The following PLEKHG6 variants were observed in gnomAD, a reference collection of about 807,000 sequenced individuals.
PLEKHG6 encodes the protein pleckstrin homology and RhoGEF domain containing G6.
In PLEKHG6, 91 loss-of-function variants were observed where a neutral mutation model predicts 97.5. That is an observed-to-expected ratio of 0.93 (90% CI 0.79 to 1.11). The LOEUF (loss-of-function observed/expected upper bound fraction) is 1.11, where lower values mean the gene tolerates loss of function less well. PLEKHG6 is among the 50% of genes most tolerant of loss of function. The pLI, the probability that PLEKHG6 is intolerant of heterozygous loss-of-function variation, is 0.00. For missense variants in PLEKHG6, 1,044 were observed against 1,031.0 expected, an observed-to-expected ratio of 1.01 and a Z score of -0.17; for synonymous variants, 466 against 425.5, an observed-to-expected ratio of 1.10 and a Z score of -1.17.
chr12:6,324,090 G>A (rs1304658523), intron 13 of PLEKHG6, among the ~76,000 whole-genome samples: 1 of 152,086 alleles, frequency 6.6e-6, no homozygotes, highest in African/African-American at 2.4e-5. Flanking sequence ...TTGTAGGGGG[G>A]TCACATTCTG....
chr12:6,323,023 C>A (rs1463422613), intron 13 of PLEKHG6, among the ~76,000 whole-genome samples: 2 of 152,244 alleles, frequency 1.3e-5, no homozygotes, highest in African/African-American at 2.4e-5. Context: ...CAGTGAATGG[C>A]AGGCTGCCTT....
In PLEKHG6 at chr12:6,327,810, CG is replaced by C. The variant is rs1394509062; in HGVS notation, c.2230del (p.Glu744ArgfsTer22). The C allele has an allele frequency of 5.3e-6, 8 of 1,513,202 alleles. No individual in the cohort carries two copies. Among genetic ancestry groups the C allele is most frequent in the Non-Finnish European group, 6.2e-6 (7 of 1,131,644 alleles). The allele number at this position is 1,513,202 out of a possible 1,614,324, so 93.7% of individuals were successfully genotyped here. On this transcript the variant is annotated frameshift_variant, in exon 15 of 16. Coordinates refer to ENST00000684764, the MANE Select transcript of PLEKHG6 (RefSeq NM_001384598.1). LOFTEE classifies it high-confidence loss of function. The stretch of plus-strand genomic sequence containing the variant: ...GGCTGAGGACATGCTCAGAGAGATC[CG>C]GGAGGAGCTGGCCAGCCAAAGGATT... ...MRAEDMLREI[R>X]EELASQRIEG...
At position 6,327,810 on chromosome 12, in the gene PLEKHG6, C is replaced by A. The variant is rs772226256; in HGVS notation, c.2227C>A (p.Arg743=). The A allele has an allele frequency of 6.6e-7, 1 of 1,513,202 alleles. No individual in the cohort carries two copies. The highest frequency in any genetic ancestry group is 8.8e-7 in the Non-Finnish European group (1 of 1,131,644). The allele number at this position is 1,513,202 out of a possible 1,614,324, so 93.7% of individuals were successfully genotyped here. A position where few individuals can be genotyped will look rare whatever the true frequency, so the allele number is the denominator to read the frequency against. The change falls in exon 15 of 16, where the codon CGG becomes AGG. Residue 743 remains arginine, a synonymous_variant. Coordinates refer to ENST00000684764, the MANE Select transcript of PLEKHG6 (RefSeq NM_001384598.1). ...MRAEDMLREI[R]EELASQRIEG... Reference sequence around the variant, plus strand: ...GGCTGAGGACATGCTCAGAGAGATCCGGGAGGAGCTGGCCAGCCAAAGGAT... The same window carrying A: ...GGCTGAGGACATGCTCAGAGAGATCAGGGAGGAGCTGGCCAGCCAAAGGAT...
chr12:6,324,370 G>A (rs974999163), intron 13 of PLEKHG6, among the ~76,000 whole-genome samples: 5 of 151,020 alleles, frequency 3.3e-5, no homozygotes, highest in South Asian at 2.1e-4. Context: ...GGCATTGAAC[G>A]TCCCTTACAG....
In PLEKHG6 at chr12:6,312,241, T is replaced by C. The variant is rs1947295571; in HGVS notation, c.15T>C (p.Gly5=). Residue 5 remains glycine, a synonymous_variant, in exon 2 of 16, where the codon GGT becomes GGC. Transcript: ENST00000684764. The part of the protein sequence containing the change: MKAF[G]PPHEGPLQGL... ...GGAGAGAAGGGATGAAGGCCTTTGG[T>C]CCTCCACATGAGGGCCCCCTCCAAG... 2.6e-6 allele frequency: 4 copies of C among 1,527,858 alleles called. No individual in the cohort carries two copies. The highest frequency in any genetic ancestry group is 3.5e-6 in the Non-Finnish European group (4 of 1,144,570). 94.6% of individuals were successfully genotyped at this position (1,527,858 alleles called of 1,614,324 possible). A position where few individuals can be genotyped will look rare whatever the true frequency, so the allele number is the denominator to read the frequency against.
chr12:6,317,227 G>A lies in PLEKHG6; in HGVS notation c.757-76G>A, dbSNP rs562473472. 80 of 932,454 alleles carry A rather than the reference G, an allele frequency of 8.6e-5. 1 individual carries two copies. In the South Asian group the frequency reaches 9.3e-4, roughly 11 times the overall value. The allele number at this position is 932,454 out of a possible 1,614,324, so 57.8% of individuals were successfully genotyped here. A position where few individuals can be genotyped will look rare whatever the true frequency, so the allele number is the denominator to read the frequency against. On this transcript the variant is annotated intron_variant, in intron 7 of 15. Coordinates refer to ENST00000684764, the MANE Select transcript of PLEKHG6 (RefSeq NM_001384598.1). ...TGCGAGGCTCTCTTCACCTGCTCCT[G>A]GGTCCTGCAGCTAGAGCCTGTATTC...
rs1414604171 is a variant in PLEKHG6 at position 6,316,209 on chromosome 12, G to T, written c.607-46G>T. The T allele has an allele frequency of 5.3e-6, 8 of 1,510,600 alleles. No homozygotes were observed. The highest frequency in any genetic ancestry group is 7.1e-6 in the Non-Finnish European group (8 of 1,123,298). 93.6% of individuals were successfully genotyped at this position (1,510,600 alleles called of 1,614,324 possible). A position where few individuals can be genotyped will look rare whatever the true frequency, so the allele number is the denominator to read the frequency against. On this transcript the variant is annotated intron_variant, in intron 6 of 15. Transcript: ENST00000684764. The surrounding 1 kb of genome is among the most constrained non-coding windows in gnomAD (Gnocchi z 4.1). ...CCTTTCCTCAGCCAGTGCCACCCCT[G>T]GGGACCTTCCAAAAGTGTGCTGCTC...
At chr12:6,318,625 G>A (rs936260896) in intron 11 of PLEKHG6, 120 bp from the exon 12 acceptor site, 9 of 1,245,846 alleles carry the variant, frequency 7.2e-6, no homozygotes, top group South Asian at 1.4e-5. Flanking sequence ...GGCCACTCCC[G>A]CATTTGGGCT....
intron 13 of PLEKHG6, 89 bp from the exon 14 acceptor site, chr12:6,326,339 A>G: frequency 1.3e-6 from 1 of 782,484 alleles, no homozygotes; most frequent in Non-Finnish European, 2.1e-6. Flanking sequence ...AAAATAAGGT[A>G]ATATATGTAA....
In PLEKHG6 at chr12:6,316,650, A is replaced by G. The variant is rs1262013336; in HGVS notation, c.756+246A>G. ...TGCAGCTGTCTCAGAGAAGGGTCAC[A>G]CCTTGGCTCCCATCAACTACAAAAG... On this transcript the variant is annotated intron_variant, in intron 7 of 15. Transcript: ENST00000684764. The surrounding 1 kb of genome is among the most constrained non-coding windows in gnomAD (Gnocchi z 4.1). Among the ~76,000 whole-genome samples the G allele has an allele frequency of 6.6e-6, 1 of 152,126 alleles. No individual in the cohort carries two copies. Among genetic ancestry groups the G allele is most frequent in the Non-Finnish European group, 1.5e-5 (1 of 68,014 alleles).
intron 13 of PLEKHG6, chr12:6,319,470 A>G: frequency 1.5e-6 from 2 of 1,307,656 alleles, no homozygotes; most frequent in Non-Finnish European, 2.0e-6. Context: ...AAAAGAATGT[A>G]GGAAGGAAGG....
chr12:6,315,729 T>TG lies in PLEKHG6; in HGVS notation c.555+85dup. 1.6e-6 allele frequency: 2 copies of TG among 1,227,694 alleles called. No homozygotes were observed. Among genetic ancestry groups the TG allele is most frequent in the Non-Finnish European group, 2.3e-6 (2 of 868,560 alleles). The allele number at this position is 1,227,694 out of a possible 1,614,324, so 76.1% of individuals were successfully genotyped here. ...CCTCCCAGACTGGAAGGCAGGTCAC[T>TG]GGGGGAGGGAGGGGCAGGATTTCAG... On this transcript the variant is annotated intron_variant, in intron 5 of 15. Coordinates refer to ENST00000684764, the MANE Select transcript of PLEKHG6 (RefSeq NM_001384598.1). The surrounding 1 kb of genome is among the most constrained non-coding windows in gnomAD (Gnocchi z 4.5).
intron 2 of PLEKHG6, chr12:6,313,003 G>A (rs993549879): frequency 2.7e-6 from 4 of 1,462,198 alleles, no homozygotes; most frequent in Non-Finnish European, 3.6e-6. Context: ...TTCCTAGGCT[G>A]TGGGTGAGAA....
At position 6,317,363 on chromosome 12, in the gene PLEKHG6, T is replaced by TA. The variant is rs772024581; in HGVS notation, c.818dup (p.Tyr273Ter). Reference protein sequence around the residue: ...YCLRVKQTMAYAREQQETNPL... With the variant: ...YCLRVKQTMA ...CCTCCGAGTGAAGCAGACCATGGCT[T>TA]ACGCCCGAGAACAGCAAGAAACTAA... is the stretch of plus-strand genomic sequence containing the variant. The change falls in exon 8 of 16, where the codon TAC becomes TAAC. Residue 273 changes from tyrosine (Y) to a stop codon, truncating the protein, a stop_gained and frameshift_variant. Transcript: ENST00000684764. LOFTEE classifies it high-confidence loss of function. The TA allele has an allele frequency of 1.9e-6, 3 of 1,614,050 alleles. No homozygotes were observed. The highest frequency in any genetic ancestry group is 2.5e-6 in the Non-Finnish European group (3 of 1,179,968).
intron 3 of PLEKHG6, 83 bp from the exon 4 acceptor site, chr12:6,314,922 G>C: frequency 7.8e-7 from 1 of 1,279,748 alleles, no homozygotes; most frequent in Non-Finnish European, 1.1e-6. Context: ...TAACACACAT[G>C]CACACACACA....
At position 6,326,500 on chromosome 12, in the gene PLEKHG6, C is replaced by T. The variant is rs765135053; in HGVS notation, c.1597C>T (p.Gln533Ter). 6 of 1,606,452 alleles carry T rather than the reference C, an allele frequency of 3.7e-6. No homozygotes were observed. In the South Asian group the frequency reaches 5.5e-5, roughly 15 times the overall value. ...KRELLTLYRD[Q>*]DRESPSTRPS... is the part of the protein sequence containing the mutation. ...GGAGCTCCTGACCCTCTATCGGGACCAGGACAGGGAGTCCCCCAGCACCAG... is the reference window on the plus strand; with the variant it reads ...GGAGCTCCTGACCCTCTATCGGGACTAGGACAGGGAGTCCCCCAGCACCAG... The change falls in exon 14 of 16, where the codon CAG becomes TAG. Residue 533 changes from glutamine to a stop codon, truncating the protein, a stop_gained. Transcript: ENST00000684764. LOFTEE classifies it high-confidence loss of function.
Position 6,327,716 on chromosome 12 carries a change from C to G in PLEKHG6, c.2133C>G (p.Ser711=). ...ADSAGESPWE[S]SGEEEEEGPL... ...CTGCCGGGGAAAGCCCCTGGGAGTC[C>G]TCAGGGGAGGAGGAAGAAGAGGGGC... is the stretch of plus-strand genomic sequence containing the variant. The change falls in exon 15 of 16, where the codon TCC becomes TCG. Residue 711 remains serine, a synonymous_variant. Coordinates refer to ENST00000684764, the MANE Select transcript of PLEKHG6 (RefSeq NM_001384598.1). 1 of 1,559,014 alleles carries G rather than the reference C, an allele frequency of 6.4e-7. No individual in the cohort carries two copies. The highest frequency in any genetic ancestry group is 8.7e-7 in the Non-Finnish European group (1 of 1,155,066).
In PLEKHG6 at chr12:6,315,804, G is replaced by T. The variant is rs556344347; in HGVS notation, c.556-65G>T. Reference sequence around the variant, plus strand: ...GGTCAGCAGTACTGAAGTTGGTGGGGGGTGGGAGGTGACGACACTGAAGGG... The same window carrying T: ...GGTCAGCAGTACTGAAGTTGGTGGGTGGTGGGAGGTGACGACACTGAAGGG... On this transcript the variant is annotated intron_variant, in intron 5 of 15. Coordinates refer to ENST00000684764, the MANE Select transcript of PLEKHG6 (RefSeq NM_001384598.1). The surrounding 1 kb of genome is among the most constrained non-coding windows in gnomAD (Gnocchi z 4.5). 1,151 of 1,400,354 alleles carry T rather than the reference G, an allele frequency of 8.2e-4. 1 individual carries two copies. Among genetic ancestry groups the T allele is most frequent in the Middle Eastern group, 1.9e-3 (11 of 5,650 alleles). 86.7% of individuals were successfully genotyped at this position (1,400,354 alleles called of 1,614,324 possible).
At chr12:6,320,724 T>C (rs560635018) in intron 13 of PLEKHG6, among the ~76,000 whole-genome samples, 39 of 152,326 alleles carry the variant, frequency 2.6e-4, no homozygotes, top group African/African-American at 9.1e-4. Flanking sequence ...GACTTAGATA[T>C]ATCTATCTTT....
Sources: allele counts gnomAD v4.1 joint callset (sites outside exome capture counted in the v4.1 genomes callset), GRCh38; gene constraint gnomAD v4.1.1; non-coding constraint Gnocchi (gnomAD v3.1); transcripts MANE v1.5; gene names NCBI Gene and HGNC (gene_info 2026-07-23, HGNC 2026-07-21).